Variants in SLC12A7 observed in about 807,000 individuals in gnomAD.
The protein encoded by SLC12A7 is solute carrier family 12 member 7.
SLC12A7 carries 100 observed loss-of-function variants against 120.6 expected under a neutral mutation model. The observed-to-expected ratio is 0.83, with a 90% CI of 0.71 to 0.98. The LOEUF is 0.98. Ranked by LOEUF, SLC12A7 falls within the 50% of genes least tolerant of loss-of-function variation. The probability of loss-of-function intolerance (pLI) is 0.00; values close to 1 mark genes in which losing one functional copy is unlikely to be tolerated. For synonymous variants in SLC12A7, 760 were observed against 678.0 expected (o/e 1.12, Z -1.88); for missense variants, 1,373 against 1,548.1 (o/e 0.89, Z 1.90).
rs568672489 is a variant in SLC12A7, at chr5:1,078,477, C to T, written c.1454+224G>A. 2.5e-3 allele frequency: 1,527 copies of T among 603,838 alleles called. 11 individuals are homozygous for T. Among genetic ancestry groups the T allele is most frequent in the South Asian group, 5.8e-3 (284 of 49,380 alleles). The allele number at this position is 603,838 out of a possible 1,614,324, so 37.4% of individuals were successfully genotyped here. ...CCCAGGAAGGGCCTGCGCCCCCAGCCGCATCAGGGCTTGGAGTTGGCTCTG... is the reference window on the plus strand; with the variant it reads ...CCCAGGAAGGGCCTGCGCCCCCAGCTGCATCAGGGCTTGGAGTTGGCTCTG... On this transcript the variant is annotated intron_variant, in intron 11 of 23. Transcript: ENST00000264930.
At chr5:1,100,061 T>G (rs1741863741) in intron 1 of SLC12A7, among the ~76,000 whole-genome samples, 2 of 152,042 alleles carry the variant, frequency 1.3e-5, no homozygotes, top group South Asian at 4.2e-4. Context: ...ATTTCAACCC[T>G]CTCCTCCTAC....
intron 12 of SLC12A7, 117 bp downstream of exon 12, chr5:1,077,716 C>G (rs976751590): frequency 1.4e-5 from 16 of 1,117,240 alleles, no homozygotes; most frequent in Non-Finnish European, 1.9e-5. Context: ...GAATGACCAC[C>G]ATGGGGTCCA....
the SLC12A7 span, among the ~76,000 whole-genome samples, chr5:1,151,719 G>A: frequency 1.3e-5 from 2 of 151,674 alleles, no homozygotes; most frequent in South Asian, 4.2e-4. The surrounding 1 kb of genome is among the most constrained non-coding windows in gnomAD (Gnocchi z 6.2). Flanking sequence ...GGGGCAGGGG[G>A]TGGGTGGTGA....
chr5:1,096,693 AAGGGAGGGAAGGAAGG>A (rs1178551750), intron 1 of SLC12A7, among the ~76,000 whole-genome samples: 2 of 65,852 alleles, frequency 3.0e-5, no homozygotes, highest in African/African-American at 1.4e-4. Flanking sequence ...GGGAGGGGGG[AAGGGAGGGAAGGAAGG>A]AGGGAGGAAG....
At position 1,111,173 on chromosome 5, in the gene SLC12A7, G is replaced by T. The variant is rs185911428; in HGVS notation, c.124+695C>A. ...TCTAGAGGGGGCTGAGATCCGGGGA[G>T]TAACTGGGATTTGGAGCCAGGATGG... On this transcript the variant is annotated intron_variant, in intron 1 of 23. Transcript: ENST00000264930. Among the ~76,000 whole-genome samples, 111 of 152,336 alleles carry T rather than the reference G, an allele frequency of 7.3e-4. No homozygotes were observed. The East Asian group carries it at 0.018, about 25-fold the overall frequency.
At chr5:1,056,707 G>T in intron 22 of SLC12A7, 1 of 369,794 alleles carries the variant, frequency 2.7e-6, no homozygotes, top group Non-Finnish European at 3.7e-6. Flanking sequence ...ACCCCACAGG[G>T]CCCAGGAGCC....
rs1346374121 is a variant in SLC12A7, at chr5:1,052,167, A to G, written c.*193T>C. On this transcript the variant is annotated 3_prime_UTR_variant, in exon 24 of 24. Transcript: ENST00000264930. ...CGTCCAGCCACGCCCTGATTTGCTG[A>G]GCCTGTTAAGGCTGAACAGGAGAGC... is the stretch of plus-strand genomic sequence containing the variant. 3 of 596,124 alleles carry G rather than the reference A, an allele frequency of 5.0e-6. No homozygotes were observed. Among genetic ancestry groups the G allele is most frequent in the Non-Finnish European group, 9.0e-6 (3 of 332,818 alleles). 36.9% of individuals were successfully genotyped at this position (596,124 alleles called of 1,614,324 possible). A position where few individuals can be genotyped will look rare whatever the true frequency, so the allele number is the denominator to read the frequency against.
the SLC12A7 span, among the ~76,000 whole-genome samples, chr5:1,121,894 T>C: frequency 1.3e-5 from 2 of 152,126 alleles, no homozygotes; most frequent in African/African-American, 4.8e-5. Flanking sequence ...GTTGTGCAAG[T>C]GTGGGGGGCA....
the SLC12A7 span, among the ~76,000 whole-genome samples, chr5:1,137,893 C>T: frequency 4.6e-5 from 7 of 152,206 alleles, no homozygotes; most frequent in African/African-American, 1.7e-4. Context: ...TCGGCGCCAG[C>T]GCTGTGGAAG....
intron 20 of SLC12A7, 104 bp from the exon 21 acceptor site, chr5:1,060,555 A>G: frequency 1.2e-6 from 1 of 849,160 alleles, no homozygotes; most frequent in Non-Finnish European, 1.9e-6. Flanking sequence ...AGCGGTGGGA[A>G]AGGCCACGCG....
At chr5:1,130,037 CAAG>C in the SLC12A7 span, among the ~76,000 whole-genome samples, 2 of 152,146 alleles carry the variant, frequency 1.3e-5, no homozygotes, top group Non-Finnish European at 2.9e-5. Context: ...TTTAGATACC[CAAG>C]AAGTTTTGAT....
chr5:1,077,059 C>CG (rs1554016168), intron 12 of SLC12A7, among the ~76,000 whole-genome samples: 1 of 3,004 alleles, frequency 3.3e-4, no homozygotes, highest in African/African-American at 4.5e-4. Context: ...CCCCAGCCTG[C>CG]CCCCCCGCCT....
At chr5:1,110,377 C>A (rs1446690502) in intron 1 of SLC12A7, among the ~76,000 whole-genome samples, 1 of 152,212 alleles carries the variant, frequency 6.6e-6, no homozygotes, top group Admixed American at 6.5e-5. Flanking sequence ...GCGCGGGCAG[C>A]GACATGGGCA....
At chr5:1,152,140 G>A in the SLC12A7 span, among the ~76,000 whole-genome samples, 1 of 151,808 alleles carries the variant, frequency 6.6e-6, no homozygotes, top group Non-Finnish European at 1.5e-5. Context: ...CCTTTGCTTT[G>A]TGAAATGGCC....
chr5:1,059,546 C>T (rs1290960525), intron 21 of SLC12A7, among the ~76,000 whole-genome samples: 1 of 152,212 alleles, frequency 6.6e-6, no homozygotes. Context: ...AGCTGAGCAT[C>T]CCGCTACCAG....
the SLC12A7 span, among the ~76,000 whole-genome samples, chr5:1,122,523 T>C: frequency 1.3e-5 from 2 of 152,258 alleles, no homozygotes; most frequent in African/African-American, 4.8e-5. Context: ...TTTCACCATC[T>C]TTAAGTGTCC....
chr5:1,082,758 G>C (rs1260570177), intron 8 of SLC12A7, among the ~76,000 whole-genome samples: 6 of 146,288 alleles, frequency 4.1e-5, no homozygotes, highest in Non-Finnish European at 9.1e-5. Context: ...GAAAGTCCAG[G>C]CTTCCCGTCT....
chr5:1,126,647 C>A, the SLC12A7 span, among the ~76,000 whole-genome samples: 1 of 152,208 alleles, frequency 6.6e-6, no homozygotes, highest in South Asian at 2.1e-4. Context: ...CCACTCTCTG[C>A]CCTCAAGTGG....
chr5:1,118,642 C>T, the SLC12A7 span, among the ~76,000 whole-genome samples: 793 of 152,300 alleles, frequency 5.2e-3, 5 homozygotes, highest in Non-Finnish European at 8.8e-3. Flanking sequence ...CCAGGAAATT[C>T]GAATGAGTCC....
Sources: allele counts gnomAD v4.1 joint callset (sites outside exome capture counted in the v4.1 genomes callset), GRCh38; gene constraint gnomAD v4.1.1; non-coding constraint Gnocchi (gnomAD v3.1); transcripts MANE v1.5; gene names NCBI Gene and HGNC (gene_info 2026-07-23, HGNC 2026-07-21).